The following PARD3B variants were observed in gnomAD, a reference collection of about 807,000 sequenced individuals.
The protein encoded by PARD3B is par-3 family cell polarity regulator beta, also known as partitioning defective 3 homolog B.
In PARD3B, 103 loss-of-function variants were observed where a neutral mutation model predicts 130.2. That is an observed-to-expected ratio of 0.79 (90% confidence interval 0.67 to 0.93). The LOEUF (loss-of-function observed/expected upper bound fraction) is 0.93, where lower values mean the gene tolerates loss of function less well. Ranked by LOEUF, PARD3B falls within the 40% of genes least tolerant of loss-of-function variation. The probability of loss-of-function intolerance (pLI) is 0.00; values close to 1 mark genes in which losing one functional copy is unlikely to be tolerated. For synonymous variants in PARD3B, 583 were observed against 553.2 expected, an observed-to-expected ratio of 1.05 and a Z score of -0.76; for missense variants, 1,609 against 1,499.2, an observed-to-expected ratio of 1.07 and a Z score of -1.21.
At chr2:205,610,303 C>T (rs1292588161) in intron 22 of PARD3B, among the ~76,000 whole-genome samples, 1 of 152,178 alleles carries the variant, frequency 6.6e-6, no homozygotes, top group African/African-American at 2.4e-5. Context: ...TAACTATGGT[C>T]ATCACACCTG....
chr2:205,555,954 G>T (rs995450842), intron 22 of PARD3B, among the ~76,000 whole-genome samples: 1 of 152,156 alleles, frequency 6.6e-6, no homozygotes, highest in African/African-American at 2.4e-5. Flanking sequence ...GGCCAGAGAC[G>T]TACTGCTGGC....
intron 22 of PARD3B, among the ~76,000 whole-genome samples, chr2:205,565,960 G>A (rs1042001440): frequency 6.6e-6 from 1 of 150,874 alleles, no homozygotes; most frequent in African/African-American, 2.4e-5. Flanking sequence ...AATAGAATGT[G>A]AAATTGCACC....
intron 21 of PARD3B, among the ~76,000 whole-genome samples, chr2:205,552,406 GTTTA>G (rs756029728): frequency 2.7e-4 from 41 of 152,034 alleles, no homozygotes; most frequent in Admixed American, 2.1e-3. Context: ...TTATTTATTT[GTTTA>G]TTTATTTATT....
intron 16 of PARD3B, among the ~76,000 whole-genome samples, chr2:205,260,082 C>T (rs953416930): frequency 1.3e-5 from 2 of 152,190 alleles, no homozygotes; most frequent in Non-Finnish European, 2.9e-5. Flanking sequence ...GCACCACCAT[C>T]ATTCCCAACT....
chr2:205,026,051 C>G (rs906238001), intron 3 of PARD3B, among the ~76,000 whole-genome samples: 1 of 152,178 alleles, frequency 6.6e-6, no homozygotes, highest in Admixed American at 6.5e-5. Context: ...GATCTCTGTT[C>G]TCATGAAACT....
intron 11 of PARD3B, among the ~76,000 whole-genome samples, chr2:205,166,334 GGAGTAAGTAGACTTT>G (rs2034815466): frequency 6.6e-6 from 1 of 152,118 alleles, no homozygotes; most frequent in Non-Finnish European, 1.5e-5. Flanking sequence ...CTTGGGGTGA[GGAGTAAGTAGACTTT>G]GAAGAGGTGA....
chr2:204,832,574 C>T (rs561271260), intron 2 of PARD3B, among the ~76,000 whole-genome samples: 1 of 152,134 alleles, frequency 6.6e-6, no homozygotes, highest in Non-Finnish European at 1.5e-5. Flanking sequence ...TACTTAGGAA[C>T]AGCTGTGCAG....
intron 16 of PARD3B, among the ~76,000 whole-genome samples, chr2:205,255,320 G>GT (rs771252333): frequency 2.2e-4 from 34 of 152,038 alleles, no homozygotes; most frequent in Admixed American, 1.2e-3. Context: ...GAGAAAAACA[G>GT]TTTTTTTCTA....
intron 21 of PARD3B, among the ~76,000 whole-genome samples, chr2:205,527,599 T>C (rs991000543): frequency 7.2e-5 from 11 of 151,906 alleles, no homozygotes; most frequent in African/African-American, 1.7e-4. Flanking sequence ...CTCCCAGAGG[T>C]CAACCATTAG....
intron 2 of PARD3B, among the ~76,000 whole-genome samples, chr2:204,750,031 A>G (rs529318240): frequency 1.3e-5 from 2 of 152,296 alleles, no homozygotes; most frequent in East Asian, 3.9e-4. Context: ...AAAAGCTTTG[A>G]TATGGAACTG....
intron 2 of PARD3B, among the ~76,000 whole-genome samples, chr2:204,695,697 A>G (rs2037578565): frequency 6.6e-6 from 1 of 151,958 alleles, no homozygotes; most frequent in Non-Finnish European, 1.5e-5. Context: ...AGCAGCCCTG[A>G]GGTATTTAAG....
intron 4 of PARD3B, among the ~76,000 whole-genome samples, chr2:205,051,379 C>A (rs1179419282): frequency 1.3e-5 from 2 of 152,156 alleles, no homozygotes; most frequent in Non-Finnish European, 2.9e-5. Flanking sequence ...AAAAAACAAT[C>A]AAAATTTCCA....
intron 10 of PARD3B, among the ~76,000 whole-genome samples, chr2:205,156,099 A>T (rs849127): frequency 6.6e-6 from 1 of 150,964 alleles, no homozygotes; most frequent in Non-Finnish European, 1.5e-5. Flanking sequence ...ATGATGAGTT[A>T]ATGTCCTTTG....
rs1160132300 is a variant in PARD3B at position 205,265,318 on chromosome 2, T to C, written c.2185+19496T>C. 6.6e-6 allele frequency among the ~76,000 whole-genome samples: 1 copy of C among 152,052 alleles called. No homozygotes were observed. The highest frequency in any genetic ancestry group is 1.5e-5 in the Non-Finnish European group (1 of 67,930). ...GGGTGATACATGGAATCGATGCACT[T>C]TCAAGTTGGCGGATCTGATCATCAG... is the stretch of plus-strand genomic sequence containing the variant. On this transcript the variant is annotated intron_variant, in intron 16 of 22. Transcript: ENST00000406610. This position sits in a 1 kb window ranked among gnomAD's most constrained non-coding sequence, Gnocchi z 4.3.
chr2:204,716,351 A>C (rs1006412813), intron 2 of PARD3B, among the ~76,000 whole-genome samples: 12 of 152,092 alleles, frequency 7.9e-5, no homozygotes, highest in Admixed American at 1.3e-4. Flanking sequence ...CAGAATCTGC[A>C]TTGTAACAAT....
At chr2:205,036,600 A>T (rs1170784031) in intron 3 of PARD3B, among the ~76,000 whole-genome samples, 1 of 149,528 alleles carries the variant, frequency 6.7e-6, no homozygotes, top group Non-Finnish European at 1.5e-5. Context: ...AGCGGACTGT[A>T]TGTACAAAAA....
intron 18 of PARD3B, among the ~76,000 whole-genome samples, chr2:205,380,371 T>C (rs1258627424): frequency 6.2e-5 from 2 of 32,488 alleles, no homozygotes; most frequent in African/African-American, 2.8e-4. Context: ...AAAGAATATA[T>C]ATTATATATA....
At position 205,216,571 on chromosome 2, in the gene PARD3B, A is replaced by G. The variant is rs964019194; in HGVS notation, c.2140+23251A>G. On this transcript the variant is annotated intron_variant, in intron 15 of 22. Coordinates refer to ENST00000406610, the MANE Select transcript of PARD3B (RefSeq NM_001302769.2). ...AGAATAAAAAAGCAGAAGCCTGTTC[A>G]TGGTAAAAAGAAATGCAGATATTTA... 5.9e-5 allele frequency among the ~76,000 whole-genome samples: 9 copies of G among 152,350 alleles called. No homozygotes were observed. In the East Asian group the frequency reaches 1.5e-3, roughly 26 times the overall value.
intron 10 of PARD3B, among the ~76,000 whole-genome samples, chr2:205,136,775 A>G (rs911745331): frequency 8.5e-5 from 13 of 152,230 alleles, no homozygotes; most frequent in East Asian, 3.8e-4. Flanking sequence ...CTGAAATGAA[A>G]TGTTCTCTTC....
Sources: gnomAD v4.1 joint callset for allele counts (sites outside exome capture counted in the v4.1 genomes callset) on GRCh38, gnomAD v4.1.1 for gene constraint, Gnocchi (gnomAD v3.1) non-coding constraint, MANE v1.5 for transcripts, NCBI Gene and HGNC (gene_info 2026-07-23, HGNC 2026-07-21) for gene names.